PEDS1: variants seen among roughly 807,000 people sequenced by gnomAD.
PEDS1 encodes the protein CarF homolog.
A neutral mutation model predicts 35.2 loss-of-function variants in PEDS1; 14 were observed. The observed-to-expected ratio is 0.40, with a 90% CI of 0.26 to 0.62. The LOEUF (loss-of-function observed/expected upper bound fraction) is 0.62, where lower values mean the gene tolerates loss of function less well. Ranked by LOEUF, PEDS1 falls within the 20% of genes least tolerant of loss-of-function variation. PEDS1 has a pLI of 0.44. For missense variants in PEDS1, 260 were observed against 367.8 expected (o/e 0.71, Z 2.40); for synonymous variants, 152 against 152.0 (o/e 1.00, Z 0.00).
chr20:50,140,395 T>C (rs1200349135), intron 2 of PEDS1, among the ~76,000 whole-genome samples: 7 of 152,226 alleles, frequency 4.6e-5, no homozygotes, highest in African/African-American at 1.4e-4. Context: ...CATGACCCCA[T>C]ATCCAGACCA....
chr20:50,151,673 C>T (rs1212201907), intron 1 of PEDS1, among the ~76,000 whole-genome samples: 1 of 152,210 alleles, frequency 6.6e-6, no homozygotes, highest in East Asian at 1.9e-4. Flanking sequence ...CCCTGGCTAA[C>T]ACAGTGAAAC....
intron 1 of PEDS1, among the ~76,000 whole-genome samples, chr20:50,151,821 T>C (rs1393318020): frequency 1.3e-5 from 2 of 152,048 alleles, no homozygotes; most frequent in East Asian, 1.9e-4. Flanking sequence ...ATCACGCCAC[T>C]GCACTCCAGC....
intron 1 of PEDS1, among the ~76,000 whole-genome samples, chr20:50,143,859 G>A: frequency 1.3e-5 from 2 of 151,920 alleles, no homozygotes; most frequent in Non-Finnish European, 2.9e-5. Flanking sequence ...CACCATGCCC[G>A]GCTAATTTTT....
intron 1 of PEDS1, among the ~76,000 whole-genome samples, chr20:50,147,332 G>A (rs2081356563): frequency 6.6e-6 from 1 of 152,186 alleles, no homozygotes; most frequent in Non-Finnish European, 1.5e-5. Context: ...ATAAGTAATA[G>A]CTGCCCCCAT....
chr20:50,150,760 T>A (rs1203258944), intron 1 of PEDS1, among the ~76,000 whole-genome samples: 2 of 152,120 alleles, frequency 1.3e-5, no homozygotes, highest in Admixed American at 6.6e-5. Flanking sequence ...TGGTGTGGTA[T>A]TGGCTCACTG....
chr20:50,139,528 C>A (rs1053987118), intron 2 of PEDS1, among the ~76,000 whole-genome samples: 5 of 151,870 alleles, frequency 3.3e-5, no homozygotes, highest in East Asian at 3.9e-4. Context: ...TGGTTCTCCC[C>A]CCATCTCCCT....
intron 2 of PEDS1, among the ~76,000 whole-genome samples, chr20:50,135,658 C>CA (rs34069451): frequency 0.037 from 1,367 of 36,644 alleles, 62 homozygotes; most frequent in East Asian, 0.06. Context: ...AACTCCATCT[C>CA]AAAAAAAAAA....
At chr20:50,135,382 G>A (rs1292920475) in intron 2 of PEDS1, among the ~76,000 whole-genome samples, 1 of 151,908 alleles carries the variant, frequency 6.6e-6, no homozygotes, top group Non-Finnish European at 1.5e-5. Flanking sequence ...TTCCAGGCCG[G>A]GCACGGTGGC....
chr20:50,150,973 G>C (rs1180355523), intron 1 of PEDS1, among the ~76,000 whole-genome samples: 1 of 152,148 alleles, frequency 6.6e-6, no homozygotes, highest in Admixed American at 6.5e-5. Flanking sequence ...TAGGATTACG[G>C]GTGTGAGCCA....
chr20:50,125,307 G>C (rs2081088328), intron 5 of PEDS1, 128 bp from the exon 6 acceptor site: 1 of 1,282,572 alleles, frequency 7.8e-7, no homozygotes, highest in Admixed American at 2.3e-5. Flanking sequence ...AGGACACAGG[G>C]ACCGGCCAAG....
In PEDS1 at chr20:50,140,242, G is replaced by A. The variant is rs111320720; in HGVS notation, c.241+3260C>T. Among the ~76,000 whole-genome samples the A allele has an allele frequency of 3.1e-3, 470 of 152,356 alleles. 4 individuals are homozygous for A. Among genetic ancestry groups the A allele is most frequent in the African/African-American group, 0.011 (441 of 41,586 alleles). ...CACCTCCACCGCTCCACCCAGGTCT[G>A]GGCCACCCTTAGGTCTGGGCTGCCA... On this transcript the variant is annotated intron_variant, in intron 2 of 5. Transcript: ENST00000371652.
Position 50,120,823 on chromosome 20 carries a change from A to G in PEDS1, c.*4235T>C, listed in dbSNP as rs945452698. On this transcript the variant is annotated 3_prime_UTR_variant, in exon 6 of 6. Transcript: ENST00000371652. ...CACTGTGTTCCAGCCTGGGTGACAG[A>G]GCAAGACCCCGTCTCCAGGAAAAAA... The G allele has an allele frequency of 2.6e-5, 4 of 152,120 alleles. No homozygotes were observed. The highest frequency in any genetic ancestry group is 7.3e-5 in the African/African-American group (3 of 41,220). 9.4% of individuals were successfully genotyped at this position (152,120 alleles called of 1,614,324 possible). A position where few individuals can be genotyped will look rare whatever the true frequency, so the allele number is the denominator to read the frequency against.
At chr20:50,145,805 C>CA (rs2081339528) in intron 1 of PEDS1, among the ~76,000 whole-genome samples, 1 of 152,180 alleles carries the variant, frequency 6.6e-6, no homozygotes, top group Non-Finnish European at 1.5e-5. Context: ...TTAATGACAA[C>CA]AATTTTATCA....
intron 2 of PEDS1, 62 bp from the exon 3 acceptor site, chr20:50,131,009 C>G (rs2147276215): frequency 1.9e-6 from 3 of 1,613,530 alleles, no homozygotes; most frequent in East Asian, 4.5e-5. Context: ...ATCACTCATT[C>G]ATTTACTCAC....
intron 1 of PEDS1, among the ~76,000 whole-genome samples, chr20:50,146,186 A>G (rs2081343529): frequency 6.6e-6 from 1 of 152,074 alleles, no homozygotes; most frequent in African/African-American, 2.4e-5. Flanking sequence ...TCTTCTTTTT[A>G]GGACTCTGTG....
Position 50,124,994 on chromosome 20 carries a change from T to G in PEDS1, c.*64A>C. Reference sequence around the variant, plus strand: ...GGGGCCAGCTCAAAGAGGCTGGAATTTGGCAGATGGCTTCGGTTTGGGGGC... The same window carrying G: ...GGGGCCAGCTCAAAGAGGCTGGAATGTGGCAGATGGCTTCGGTTTGGGGGC... On this transcript the variant is annotated 3_prime_UTR_variant, in exon 6 of 6. Transcript: ENST00000371652. The G allele has an allele frequency of 6.3e-7, 1 of 1,597,316 alleles. No homozygotes were observed. The highest frequency in any genetic ancestry group is 1.1e-5 in the South Asian group (1 of 89,568).
chr20:50,153,711 C>G lies in PEDS1; in HGVS notation c.-74G>C, dbSNP rs1049303186. The G allele has an allele frequency of 2.6e-6, 3 of 1,148,118 alleles. No individual in the cohort carries two copies. Among genetic ancestry groups the G allele is most frequent in the Non-Finnish European group, 2.1e-6 (2 of 935,136 alleles). 71.1% of individuals were successfully genotyped at this position (1,148,118 alleles called of 1,614,324 possible). ...CAGGGCCGCGGAACCGCGGCGAGAT[C>G]ACGCCGCCCAATGACCGCCCAGCGC... On this transcript the variant is annotated 5_prime_UTR_variant, in exon 1 of 6. Transcript: ENST00000371652.
chr20:50,153,671 T>C lies in PEDS1; in HGVS notation c.-34A>G. ...GCCCGATCGGCCCGGTGCGCTCTGC[T>C]GGCGGCGGCGGCGGCAGGGCCGCGG... On this transcript the variant is annotated 5_prime_UTR_variant, in exon 1 of 6. Transcript: ENST00000371652. 7 of 1,214,470 alleles carry C rather than the reference T, an allele frequency of 5.8e-6. No homozygotes were observed. The highest frequency in any genetic ancestry group is 8.2e-5 in the South Asian group (2 of 24,298). The allele number at this position is 1,214,470 out of a possible 1,614,324, so 75.2% of individuals were successfully genotyped here.
At position 50,122,381 on chromosome 20, in the gene PEDS1, A is replaced by T. The variant is rs1233509492; in HGVS notation, c.*2677T>A. 1 of 152,232 alleles carries T rather than the reference A, an allele frequency of 6.6e-6. No individual in the cohort carries two copies. Among genetic ancestry groups the T allele is most frequent in the Admixed American group, 6.5e-5 (1 of 15,282 alleles). The allele number at this position is 152,232 out of a possible 1,614,324, so 9.4% of individuals were successfully genotyped here. Reference sequence around the variant, plus strand: ...AATCAAAAGTCTAGTTGGCAAAGGAAAATGGCATTATGGGTCACGTTTTAA... The same window carrying T: ...AATCAAAAGTCTAGTTGGCAAAGGATAATGGCATTATGGGTCACGTTTTAA... On this transcript the variant is annotated 3_prime_UTR_variant, in exon 6 of 6. Transcript: ENST00000371652.
Sources: gnomAD v4.1 joint callset for allele counts (sites outside exome capture counted in the v4.1 genomes callset) on GRCh38, gnomAD v4.1.1 for gene constraint, MANE v1.5 for transcripts, NCBI Gene and HGNC (gene_info 2026-07-23, HGNC 2026-07-21) for gene names.